The following STOX1 variants were observed in gnomAD, a reference collection of about 807,000 sequenced individuals.
STOX1 encodes storkhead box 1.
Under a neutral mutation model 74.8 loss-of-function variants are expected in STOX1, and 57 were observed. The observed-to-expected ratio is 0.76, with a 90% CI of 0.62 to 0.95. The LOEUF is 0.95. Among genes scored for constraint, STOX1 ranks in the 40% least tolerant of loss-of-function variants. STOX1 has a pLI of 0.00. For missense variants in STOX1, 1,010 were observed against 1,117.0 expected (o/e 0.90, Z 1.37); for synonymous variants, 375 against 401.3 (o/e 0.93, Z 0.78).
At chr10:68,842,087 C>T (rs961227581) in intron 1 of STOX1, among the ~76,000 whole-genome samples, 5 of 152,130 alleles carry the variant, frequency 3.3e-5, no homozygotes, top group African/African-American at 9.7e-5. Context: ...TGACCTGGGG[C>T]AGAGCAGTCC....
Position 68,892,599 on chromosome 10 carries a change from C to G in STOX1, c.2833C>G (p.Leu945Val), listed in dbSNP as rs1205182598. ...SGIDSPRTQS[L>V]GSNNSVILDG... ...TTTTAATATCTTTAGGACACAGAGT[C>G]TGGGATCTAATAATTCAGTCATTTT... is the stretch of plus-strand genomic sequence containing the variant. Residue 945 changes from leucine (L) to valine (V), a missense_variant, in exon 4 of 4, where the codon CTG becomes GTG. Transcript: ENST00000298596. The G allele has an allele frequency of 1.2e-6, 2 of 1,613,408 alleles. No homozygotes were observed. The highest frequency in any genetic ancestry group is 2.7e-5 in the African/African-American group (2 of 74,910).
downstream of STOX1, chr10:68,893,074 A>AT (rs925598249): frequency 1.6e-4 from 39 of 241,278 alleles, no homozygotes; most frequent in African/African-American, 2.6e-4. Context: ...CCTGTAGTGA[A>AT]TTTTTTTTTA....
At chr10:68,852,772 C>T (rs960999681) in intron 1 of STOX1, among the ~76,000 whole-genome samples, 2 of 149,540 alleles carry the variant, frequency 1.3e-5, no homozygotes, top group South Asian at 4.2e-4. Flanking sequence ...GATGGAGTCT[C>T]GCTCTGTCAC....
intron 1 of STOX1, among the ~76,000 whole-genome samples, chr10:68,869,301 A>T (rs1031071548): frequency 1.4e-4 from 21 of 152,228 alleles, no homozygotes; most frequent in African/African-American, 5.1e-4. Context: ...TAACTGGTAT[A>T]TAGTAGATAA....
intron 1 of STOX1, among the ~76,000 whole-genome samples, chr10:68,865,320 A>G (rs1447131235): frequency 6.6e-6 from 1 of 150,898 alleles, no homozygotes; most frequent in African/African-American, 2.4e-5. Flanking sequence ...CTAAGGAGAT[A>G]GTAAAGAAAC....
intron 1 of STOX1, among the ~76,000 whole-genome samples, chr10:68,839,048 A>C (rs1274576595): frequency 6.6e-6 from 1 of 152,176 alleles, no homozygotes; most frequent in Non-Finnish European, 1.5e-5. Flanking sequence ...GTGTTGAAGT[A>C]ATTTCATCCC....
At position 68,892,851 on chromosome 10, in the gene STOX1, A is replaced by G. The variant is rs1262821702; in HGVS notation, c.*115A>G. 8.8e-7 allele frequency: 1 copy of G among 1,142,278 alleles called. No homozygotes were observed. Among genetic ancestry groups the G allele is most frequent in the Non-Finnish European group, 1.3e-6 (1 of 797,598 alleles). 70.8% of individuals were successfully genotyped at this position (1,142,278 alleles called of 1,614,324 possible). ...ATTGTCTAAAGGCAAGCATATCTAT[A>G]CTATTAACCACATTACACATTTTGT... is the stretch of plus-strand genomic sequence containing the variant. On this transcript the variant is annotated 3_prime_UTR_variant, in exon 4 of 4. Transcript: ENST00000298596.
intron 3 of STOX1, among the ~76,000 whole-genome samples, chr10:68,887,408 G>A (rs562900455): frequency 2.6e-4 from 39 of 151,472 alleles, no homozygotes; most frequent in African/African-American, 8.2e-4. Context: ...TCATCCTCCC[G>A]AGTATCTGGG....
chr10:68,851,554 C>A (rs544213586), intron 1 of STOX1, among the ~76,000 whole-genome samples: 1 of 152,012 alleles, frequency 6.6e-6, no homozygotes, highest in East Asian at 1.9e-4. Context: ...ATATGTACAT[C>A]TATTTGCTGG....
intron 1 of STOX1, among the ~76,000 whole-genome samples, chr10:68,838,506 A>T (rs1263545264): frequency 6.6e-6 from 1 of 152,104 alleles, no homozygotes; most frequent in Non-Finnish European, 1.5e-5. Context: ...CCTATGTAAG[A>T]TCATGTCATC....
At chr10:68,849,074 TG>T (rs1445347719) in intron 1 of STOX1, among the ~76,000 whole-genome samples, 1 of 152,254 alleles carries the variant, frequency 6.6e-6, no homozygotes, top group Non-Finnish European at 1.5e-5. Flanking sequence ...TCTGTCACTC[TG>T]GAGCATATCC....
chr10:68,882,041 G>A lies in STOX1; in HGVS notation c.394G>A (p.Asp132Asn), dbSNP rs776848468. ...TGAAGTTCTTTGCTGTGCTATATCTGATATGAATACAGCTCAGATTGTAGT... is the reference window on the plus strand; with the variant it reads ...TGAAGTTCTTTGCTGTGCTATATCTAATATGAATACAGCTCAGATTGTAGT... ...LGEVLCCAIS[D>N]MNTAQIVVTQ... Residue 132 changes from aspartate (D) to asparagine (N), a missense_variant, in exon 2 of 4, where the codon GAT becomes AAT. Transcript: ENST00000298596. 7.4e-6 allele frequency: 12 copies of A among 1,613,622 alleles called. No individual in the cohort carries two copies. Among genetic ancestry groups the A allele is most frequent in the Non-Finnish European group, 1.0e-5 (12 of 1,179,858 alleles).
At chr10:68,845,004 C>G (rs1381677243) in intron 1 of STOX1, among the ~76,000 whole-genome samples, 3 of 152,166 alleles carry the variant, frequency 2.0e-5, no homozygotes, top group African/African-American at 4.8e-5. Context: ...CTCCATTGAT[C>G]CACCCTCCTC....
At chr10:68,875,887 T>C (rs1457556677) in intron 1 of STOX1, among the ~76,000 whole-genome samples, 1 of 152,170 alleles carries the variant, frequency 6.6e-6, no homozygotes, top group African/African-American at 2.4e-5. Context: ...TACAAGGGCC[T>C]GCTCTAGACT....
chr10:68,864,084 C>T (rs757338316), intron 1 of STOX1, among the ~76,000 whole-genome samples: 58 of 152,150 alleles, frequency 3.8e-4, no homozygotes, highest in Non-Finnish European at 7.2e-4. Context: ...GCCACCGCAC[C>T]AGCTAATTTT....
At chr10:68,844,111 C>CG (rs1839768590) in intron 1 of STOX1, among the ~76,000 whole-genome samples, 1 of 151,296 alleles carries the variant, frequency 6.6e-6, no homozygotes, top group South Asian at 2.1e-4. Context: ...GCCCGGGAGG[C>CG]GGAGCTTGCA....
intron 1 of STOX1, among the ~76,000 whole-genome samples, chr10:68,854,441 T>C (rs1389790504): frequency 2.0e-5 from 3 of 151,646 alleles, no homozygotes; most frequent in Non-Finnish European, 4.4e-5. Context: ...GGACTACAGG[T>C]GCATGCCACC....
chr10:68,864,783 C>A (rs961641223), intron 1 of STOX1, among the ~76,000 whole-genome samples: 1 of 152,318 alleles, frequency 6.6e-6, no homozygotes, highest in South Asian at 2.1e-4. Flanking sequence ...GCTTCTTTTG[C>A]TAATTGCCAA....
chr10:68,832,954 G>A (rs1237565817), intron 1 of STOX1, among the ~76,000 whole-genome samples: 1 of 151,924 alleles, frequency 6.6e-6, no homozygotes, highest in Non-Finnish European at 1.5e-5. Flanking sequence ...TTCAGTAGAG[G>A]CAGGTCTTGC....
Sources: gnomAD v4.1 joint callset for allele counts (sites outside exome capture counted in the v4.1 genomes callset) on GRCh38, gnomAD v4.1.1 for gene constraint, MANE v1.5 for transcripts, NCBI Gene and HGNC (gene_info 2026-07-23, HGNC 2026-07-21) for gene names.